The following TMEM132D variants were observed in gnomAD, a reference collection of about 807,000 sequenced individuals.
TMEM132D encodes transmembrane protein 132D.
A neutral mutation model predicts 62.3 loss-of-function variants in TMEM132D; 21 were observed. The observed-to-expected ratio is 0.34, with a 90% confidence interval of 0.24 to 0.49. The LOEUF is 0.49. TMEM132D is among the 20% of genes least tolerant of loss of function. The probability of loss-of-function intolerance (pLI) is 0.99; values close to 1 mark genes in which losing one functional copy is unlikely to be tolerated. For missense variants in TMEM132D, 1,346 were observed against 1,402.8 expected (o/e 0.96, Z 0.65); for synonymous variants, 621 against 575.6 (o/e 1.08, Z -1.13).
chr12:129,238,555 C>T (rs1426173145), intron 4 of TMEM132D, among the ~76,000 whole-genome samples: 5 of 152,180 alleles, frequency 3.3e-5, no homozygotes, highest in Non-Finnish European at 7.3e-5. Flanking sequence ...CTCTAGGTAC[C>T]TCATATAAGT....
chr12:129,249,790 C>A (rs1021952512), intron 4 of TMEM132D, among the ~76,000 whole-genome samples: 3 of 152,224 alleles, frequency 2.0e-5, no homozygotes, highest in East Asian at 3.9e-4. Context: ...CATCTGAGAA[C>A]CACATTTGGA....
chr12:129,628,482 A>T (rs527975859), intron 2 of TMEM132D, among the ~76,000 whole-genome samples: 1 of 152,306 alleles, frequency 6.6e-6, no homozygotes, highest in South Asian at 2.1e-4. Context: ...TTAGGCAGGA[A>T]GGCTTGCCCA....
rs538656533 is a variant in TMEM132D at position 129,811,280 on chromosome 12, G to A, written c.79+91981C>T. ...CAACACTTAGTGAGTGTCAGGGATG[G>A]GGTGGGGTGGGCTCGGTCCTGCCTC... On this transcript the variant is annotated intron_variant, in intron 1 of 8. Transcript: ENST00000422113. Among the ~76,000 whole-genome samples the A allele has an allele frequency of 3.3e-5, 5 of 151,706 alleles. No individual in the cohort carries two copies. In the East Asian group the frequency reaches 9.8e-4, roughly 30 times the overall value.
intron 4 of TMEM132D, among the ~76,000 whole-genome samples, chr12:129,290,722 T>C (rs954862090): frequency 2.6e-5 from 4 of 152,196 alleles, no homozygotes; most frequent in African/African-American, 9.6e-5. Flanking sequence ...AACATGATAA[T>C]ATATTCAGGA....
chr12:129,660,156 A>C (rs1156611679), intron 2 of TMEM132D, among the ~76,000 whole-genome samples: 1 of 152,114 alleles, frequency 6.6e-6, no homozygotes, highest in African/African-American at 2.4e-5. Context: ...ATGTATTGTA[A>C]AAGAGAGAGA....
chr12:129,825,458 G>A (rs1246504821), intron 1 of TMEM132D, among the ~76,000 whole-genome samples: 1 of 152,104 alleles, frequency 6.6e-6, no homozygotes, highest in East Asian at 1.9e-4. Context: ...CTGCTAATAG[G>A]GTTACTGGCG....
chr12:129,264,125 A>G (rs1880623706), intron 4 of TMEM132D, among the ~76,000 whole-genome samples: 1 of 152,246 alleles, frequency 6.6e-6, no homozygotes, highest in African/African-American at 2.4e-5. Context: ...AAGATGGCTC[A>G]TGCCTCTAAT....
At position 129,577,120 on chromosome 12, in the gene TMEM132D, C is replaced by A. The variant is rs767996154; in HGVS notation, c.969-45915G>T. Among the ~76,000 whole-genome samples the A allele has an allele frequency of 2.0e-5, 3 of 151,886 alleles. 1 individual carries two copies. The highest frequency in any genetic ancestry group is 2.0e-4 in the Admixed American group (3 of 15,274). ...GTCACCGAAGGTTTACAGTATTGCA[C>A]TAAACACAACGAAAAATACTTGAGA... On this transcript the variant is annotated intron_variant, in intron 2 of 8. Transcript: ENST00000422113.
intron 5 of TMEM132D, among the ~76,000 whole-genome samples, chr12:129,119,158 C>G (rs1323215742): frequency 6.6e-6 from 1 of 152,152 alleles, no homozygotes; most frequent in Non-Finnish European, 1.5e-5. Flanking sequence ...CTTATAAAGT[C>G]AAAACTTGGA....
chr12:129,099,102 C>T (rs947570585), intron 5 of TMEM132D, among the ~76,000 whole-genome samples: 1 of 152,220 alleles, frequency 6.6e-6, no homozygotes, highest in Non-Finnish European at 1.5e-5. Flanking sequence ...TCCTGCTGTG[C>T]AGGCCCTACA....
At chr12:129,731,824 G>A (rs919724828) in intron 1 of TMEM132D, among the ~76,000 whole-genome samples, 5 of 152,052 alleles carry the variant, frequency 3.3e-5, no homozygotes, top group Middle Eastern at 3.4e-3. Flanking sequence ...CACCACGCCC[G>A]GCTAATTTTT....
At chr12:129,704,595 A>G (rs1315652528) in intron 1 of TMEM132D, among the ~76,000 whole-genome samples, 1 of 152,100 alleles carries the variant, frequency 6.6e-6, no homozygotes, top group Admixed American at 6.5e-5. Context: ...CCTGCACCCA[A>G]CTCACAGAAG....
At chr12:129,832,590 T>C (rs1872876984) in intron 1 of TMEM132D, among the ~76,000 whole-genome samples, 1 of 152,162 alleles carries the variant, frequency 6.6e-6, no homozygotes, top group African/African-American at 2.4e-5. Context: ...CTGAGTATTT[T>C]TGTGGCTTCT....
intron 3 of TMEM132D, among the ~76,000 whole-genome samples, chr12:129,353,438 C>G (rs1869933662): frequency 6.6e-6 from 1 of 152,158 alleles, no homozygotes; most frequent in Non-Finnish European, 1.5e-5. Context: ...TCAAACATCA[C>G]TTCCGAACAG....
At chr12:129,589,642 G>A (rs1878135852) in intron 2 of TMEM132D, among the ~76,000 whole-genome samples, 1 of 152,108 alleles carries the variant, frequency 6.6e-6, no homozygotes, top group East Asian at 1.9e-4. Flanking sequence ...CATTCTCCAG[G>A]ACAACTAGCT....
intron 4 of TMEM132D, among the ~76,000 whole-genome samples, chr12:129,305,506 C>T (rs569725887): frequency 3.9e-5 from 6 of 152,070 alleles, no homozygotes; most frequent in Admixed American, 1.3e-4. Flanking sequence ...TGTATGCCCC[C>T]CAAAAACCCC....
chr12:129,685,129 G>A (rs264518), intron 2 of TMEM132D, among the ~76,000 whole-genome samples: 33,630 of 152,184 alleles, frequency 0.22, 4,036 homozygotes, highest in Middle Eastern at 0.28. Flanking sequence ...ATTTTCTGAG[G>A]AGAAATTTAA....
chr12:129,566,467 T>C (rs1877371001), intron 2 of TMEM132D, among the ~76,000 whole-genome samples: 3 of 152,286 alleles, frequency 2.0e-5, no homozygotes, highest in Middle Eastern at 3.4e-3. Context: ...CATTATACTC[T>C]CCTCTCTTTG....
intron 1 of TMEM132D, among the ~76,000 whole-genome samples, chr12:129,715,611 C>G (rs570737707): frequency 6.6e-6 from 1 of 152,230 alleles, no homozygotes; most frequent in East Asian, 1.9e-4. Context: ...TCAACCTGCA[C>G]ATGTGCAATT....
Sources: gnomAD v4.1 joint callset for allele counts (sites outside exome capture counted in the v4.1 genomes callset) on GRCh38, gnomAD v4.1.1 for gene constraint, MANE v1.5 for transcripts, NCBI Gene and HGNC (gene_info 2026-07-23, HGNC 2026-07-21) for gene names.